PLAA: variants seen among roughly 807,000 people sequenced by gnomAD.
PLAA encodes the protein phospholipase A2 activating protein.
Under a neutral mutation model 84.1 loss-of-function variants are expected in PLAA, and 48 were observed. That is an observed-to-expected ratio of 0.57 (90% CI 0.45 to 0.73). The LOEUF (loss-of-function observed/expected upper bound fraction) is 0.73. Ranked by LOEUF, PLAA falls within the 30% of genes least tolerant of loss-of-function variation. PLAA has a pLI of 0.00. For missense variants in PLAA, 903 were observed against 954.7 expected (o/e 0.95, Z 0.71); for synonymous variants, 392 against 336.6 (o/e 1.16, Z -1.80).
intron 1 of PLAA, among the ~76,000 whole-genome samples, chr9:26,938,311 TGCAGA>T (rs1587189586): frequency 1.3e-5 from 2 of 152,258 alleles, no homozygotes; most frequent in East Asian, 3.9e-4. Context: ...AGTTGGAGGC[TGCAGA>T]GTGCTGCGAC....
chr9:26,924,034 G>GA (rs749593513), intron 6 of PLAA, among the ~76,000 whole-genome samples: 13 of 151,928 alleles, frequency 8.6e-5, no homozygotes, highest in South Asian at 2.1e-4. Context: ...GCTTAGGAGG[G>GA]AAAAAAACTA....
intron 11 of PLAA, among the ~76,000 whole-genome samples, chr9:26,912,534 ATTAGCTTGTACTAAGG>A (rs967027809): frequency 9.9e-5 from 15 of 152,192 alleles, no homozygotes; most frequent in Non-Finnish European, 1.9e-4. Flanking sequence ...GAGAGGTGAC[ATTAGCTTGTACTAAGG>A]TATATAAAGC....
At chr9:26,909,690 G>A (rs565343719) in intron 12 of PLAA, among the ~76,000 whole-genome samples, 1 of 150,726 alleles carries the variant, frequency 6.6e-6, no homozygotes, top group African/African-American at 2.4e-5. Context: ...GCGCGATCTC[G>A]GGCTCACTGC....
rs368489386 is a variant in PLAA, at chr9:26,920,485, A to G, written c.1040-101T>C. 1.5e-5 allele frequency: 10 copies of G among 660,150 alleles called. No individual in the cohort carries two copies. The East Asian group carries it at 2.6e-4, about 17-fold the overall frequency. 40.9% of individuals were successfully genotyped at this position (660,150 alleles called of 1,614,324 possible). ...AACATTAAAATTTACACATAAGAGA[A>G]TATGGATTTTGTTTCAAAATAAAAT... On this transcript the variant is annotated intron_variant, in intron 7 of 13. Transcript: ENST00000397292.
rs763784767 is a variant in PLAA at position 26,935,062 on chromosome 9, T to G, written c.294A>C (p.Ser98=). ...TATAAAGTGGCATTGGACTGTCCAG[T>G]GAGAAAATGCATATATTGTGGTCAT... ...GGNDHNICIF[S]LDSPMPLYIL... The change falls in exon 2 of 14, where the codon TCA becomes TCC. Residue 98 remains serine (S), a synonymous_variant. Coordinates refer to ENST00000397292, the MANE Select transcript of PLAA (RefSeq NM_001031689.3). 5 of 1,609,372 alleles carry G rather than the reference T, an allele frequency of 3.1e-6. No homozygotes were observed. The African/African-American group carries it at 4.0e-5, about 13-fold the overall frequency.
At chr9:26,910,179 G>A (rs1342779167) in intron 12 of PLAA, among the ~76,000 whole-genome samples, 159 bp downstream of exon 12, 2 of 152,072 alleles carry the variant, frequency 1.3e-5, no homozygotes, top group African/African-American at 4.8e-5. Context: ...TCCTTTACCA[G>A]ACTGTATATT....
intron 9 of PLAA, among the ~76,000 whole-genome samples, chr9:26,918,056 T>C (rs1824621510): frequency 6.6e-6 from 1 of 152,180 alleles, no homozygotes; most frequent in Non-Finnish European, 1.5e-5. Flanking sequence ...GTGCAAGTAT[T>C]TGGAGGATCA....
At chr9:26,908,220 T>G (rs1824297375) in intron 12 of PLAA, among the ~76,000 whole-genome samples, 1 of 147,840 alleles carries the variant, frequency 6.8e-6, no homozygotes, top group Non-Finnish European at 1.5e-5. Context: ...CAGGCTGGAG[T>G]GCAGTGGCGC....
chr9:26,925,444 A>G (rs1370297394), intron 6 of PLAA, among the ~76,000 whole-genome samples: 1 of 152,224 alleles, frequency 6.6e-6, no homozygotes, highest in Non-Finnish European at 1.5e-5. Context: ...TTATACTCTT[A>G]GCTTTGACAA....
At chr9:26,926,227 T>C (rs572453782) in intron 5 of PLAA, among the ~76,000 whole-genome samples, 166 bp downstream of exon 5, 118 of 152,312 alleles carry the variant, frequency 7.7e-4, no homozygotes, top group African/African-American at 2.8e-3. Flanking sequence ...GCCATACAAT[T>C]TTCTTCTTTG....
Position 26,917,430 on chromosome 9 carries a change from A to G in PLAA, c.1418-265T>C, listed in dbSNP as rs1352898085. Among the ~76,000 whole-genome samples, 4 of 152,236 alleles carry G rather than the reference A, an allele frequency of 2.6e-5. No individual in the cohort carries two copies. The East Asian group carries it at 7.7e-4, about 29-fold the overall frequency. On this transcript the variant is annotated intron_variant, in intron 9 of 13. Transcript: ENST00000397292. The stretch of plus-strand genomic sequence containing the variant: ...ACTTAAATATTAAAACTTAATTCAA[A>G]TATCAAAAGAGAATTGCAGGTAATA...
At chr9:26,914,413 T>C (rs772047411) in intron 10 of PLAA, among the ~76,000 whole-genome samples, 6 of 152,086 alleles carry the variant, frequency 3.9e-5, no homozygotes, top group South Asian at 2.1e-4. Context: ...AGAGTAAGTA[T>C]AGAGAGAGAA....
chr9:26,942,898 A>AAAAAAG (rs1825585544), intron 1 of PLAA, among the ~76,000 whole-genome samples: 1 of 149,772 alleles, frequency 6.7e-6, no homozygotes, highest in African/African-American at 2.5e-5. Flanking sequence ...AAAAAAAAAA[A>AAAAAAG]GGCACAGAAA....
At position 26,904,828 on chromosome 9, in the gene PLAA, T is replaced by C. The variant is rs1015535027; in HGVS notation, c.*683A>G. On this transcript the variant is annotated 3_prime_UTR_variant, in exon 14 of 14. Coordinates refer to ENST00000397292, the MANE Select transcript of PLAA (RefSeq NM_001031689.3). ...GAATGAAAAATGAAGTTACCTCAAATAGTGAAGGGCAAAAGAAACTGGATC... is the reference window on the plus strand; with the variant it reads ...GAATGAAAAATGAAGTTACCTCAAACAGTGAAGGGCAAAAGAAACTGGATC... 1 of 152,314 alleles carries C rather than the reference T, an allele frequency of 6.6e-6. No homozygotes were observed. Among genetic ancestry groups the C allele is most frequent in the Admixed American group, 6.6e-5 (1 of 15,254 alleles). 9.4% of individuals were successfully genotyped at this position (152,314 alleles called of 1,614,324 possible).
intron 4 of PLAA, among the ~76,000 whole-genome samples, chr9:26,926,986 G>A (rs1185185158): frequency 6.6e-6 from 1 of 151,952 alleles, no homozygotes; most frequent in Non-Finnish European, 1.5e-5. Context: ...GATTTCCTAT[G>A]TTCAGTATCT....
At chr9:26,925,481 A>C (rs1452109537) in intron 6 of PLAA, among the ~76,000 whole-genome samples, 1 of 152,154 alleles carries the variant, frequency 6.6e-6, no homozygotes, top group African/African-American at 2.4e-5. Context: ...TCTCACTCAT[A>C]ATCTTTCAAA....
At chr9:26,917,254 T>C (rs1396846160) in intron 9 of PLAA, 89 bp from the exon 10 acceptor site, 1 of 1,027,704 alleles carries the variant, frequency 9.7e-7, no homozygotes, top group East Asian at 2.4e-5. Context: ...AGAACCTACA[T>C]TTGGAGAAAA....
At chr9:26,915,828 TGATATG>T in intron 10 of PLAA, 4 of 985,288 alleles carry the variant, frequency 4.1e-6, no homozygotes, top group Non-Finnish European at 4.8e-6. Flanking sequence ...AGTTGAAGCT[TGATATG>T]TTCTTTCTGT....
At chr9:26,934,020 G>A (rs1348066473) in intron 2 of PLAA, among the ~76,000 whole-genome samples, 1 of 152,004 alleles carries the variant, frequency 6.6e-6, no homozygotes, top group East Asian at 1.9e-4. Context: ...TGTTGCTCAG[G>A]CTGGTCTCAA....
Sources: allele counts gnomAD v4.1 joint callset (sites outside exome capture counted in the v4.1 genomes callset), GRCh38; gene constraint gnomAD v4.1.1; transcripts MANE v1.5; gene names NCBI Gene and HGNC (gene_info 2026-07-23, HGNC 2026-07-21).